CDKAL1: variants seen among roughly 807,000 people sequenced by gnomAD.
CDKAL1 encodes CDKAL1 threonylcarbamoyladenosine tRNA methylthiotransferase, also known as threonylcarbamoyladenosine tRNA methylthiotransferase.
Under a neutral mutation model 68.2 loss-of-function variants are expected in CDKAL1, and 32 were observed. That is an observed-to-expected ratio of 0.47 (90% CI 0.35 to 0.63). CDKAL1 has a LOEUF of 0.63. Among genes scored for constraint, CDKAL1 ranks in the 30% least tolerant of loss-of-function variants. The pLI, the probability that CDKAL1 is intolerant of heterozygous loss-of-function variation, is 0.00. For synonymous variants in CDKAL1, 234 were observed against 244.3 expected, an observed-to-expected ratio of 0.96 and a Z score of 0.39; for missense variants, 606 against 696.7, an observed-to-expected ratio of 0.87 and a Z score of 1.47.
chr6:20,985,365 C>T (rs1307222174), intron 10 of CDKAL1, among the ~76,000 whole-genome samples: 1 of 152,184 alleles, frequency 6.6e-6, no homozygotes, highest in Non-Finnish European at 1.5e-5. Context: ...GCGATCTCGG[C>T]TCACTGCAAC....
intron 8 of CDKAL1, among the ~76,000 whole-genome samples, chr6:20,798,558 A>G (rs973704148): frequency 6.6e-6 from 1 of 152,164 alleles, no homozygotes; most frequent in African/African-American, 2.4e-5. Context: ...TGTGGCACAT[A>G]TACACCATGG....
intron 11 of CDKAL1, among the ~76,000 whole-genome samples, chr6:21,002,100 T>A (rs1767456932): frequency 6.6e-6 from 1 of 152,220 alleles, no homozygotes; most frequent in Non-Finnish European, 1.5e-5. Context: ...TCTGGAGGTC[T>A]GTTAAATCTG....
intron 4 of CDKAL1, among the ~76,000 whole-genome samples, chr6:20,624,309 A>G (rs1477006316): frequency 1.3e-5 from 2 of 152,044 alleles, no homozygotes. Context: ...AGCCACCACC[A>G]TACTGTTCAT....
At chr6:21,159,714 A>T (rs1256800977) in intron 13 of CDKAL1, among the ~76,000 whole-genome samples, 1 of 152,188 alleles carries the variant, frequency 6.6e-6, no homozygotes, top group African/African-American at 2.4e-5. Flanking sequence ...CAGATAATCC[A>T]CTCTGAACAG....
chr6:21,223,644 G>C (rs936098484), intron 15 of CDKAL1, among the ~76,000 whole-genome samples: 20 of 152,268 alleles, frequency 1.3e-4, no homozygotes, highest in Middle Eastern at 6.8e-3. Flanking sequence ...GAGAATACTT[G>C]TAACTAGGTG....
Position 20,961,790 on chromosome 6 carries a change from C to CA in CDKAL1, c.909+6215dup, listed in dbSNP as rs778085781. On this transcript the variant is annotated intron_variant, in intron 10 of 15. Coordinates refer to ENST00000274695, the MANE Select transcript of CDKAL1 (RefSeq NM_017774.3). The stretch of plus-strand genomic sequence containing the variant: ...TCAAAAAAAAAAAAGAAAAGAAAAA[C>CA]AAAAAAAAAACATCAAGTACTACGC... Among the ~76,000 whole-genome samples, 122 of 119,294 alleles carry CA rather than the reference C, an allele frequency of 1.0e-3. 1 individual carries two copies. The Middle Eastern group carries it at 0.021, about 20-fold the overall frequency. 78.3% of individuals were successfully genotyped at this position (119,294 alleles called of 152,430 possible).
At chr6:20,553,783 G>C (rs184675507) in intron 4 of CDKAL1, among the ~76,000 whole-genome samples, 14 of 152,242 alleles carry the variant, frequency 9.2e-5, no homozygotes, top group Admixed American at 2.6e-4. Context: ...ACTGATTCTT[G>C]TATTTTTAGT....
chr6:20,657,106 G>GT (rs1392990237), intron 5 of CDKAL1, among the ~76,000 whole-genome samples: 1 of 152,086 alleles, frequency 6.6e-6, no homozygotes, highest in African/African-American at 2.4e-5. Flanking sequence ...GCTTTATTCA[G>GT]ATATTTTTCC....
intron 8 of CDKAL1, among the ~76,000 whole-genome samples, chr6:20,838,781 T>A (rs1045419334): frequency 1.3e-5 from 2 of 152,116 alleles, no homozygotes; most frequent in African/African-American, 2.4e-5. Context: ...GAGACCATCC[T>A]GGCTAACACG....
At chr6:20,854,306 T>C (rs936253419) in intron 9 of CDKAL1, among the ~76,000 whole-genome samples, 5 of 152,248 alleles carry the variant, frequency 3.3e-5, no homozygotes, top group African/African-American at 9.6e-5. Flanking sequence ...ATCTACTTGC[T>C]GTTCTGAATC....
At chr6:21,063,464 G>A (rs141315605) in intron 11 of CDKAL1, among the ~76,000 whole-genome samples, 7 of 152,276 alleles carry the variant, frequency 4.6e-5, no homozygotes, top group Non-Finnish European at 8.8e-5. Flanking sequence ...CTACCTTATC[G>A]CTGAATGATA....
chr6:21,000,302 G>C lies in CDKAL1; in HGVS notation c.985G>C (p.Val329Leu), dbSNP rs145084016. Residue 329 changes from valine (V) to leucine (L), a missense_variant, in exon 11 of 16, where the codon GTA becomes CTA. Val to Leu is a conservative substitution (Grantham distance 32, BLOSUM62 1). Transcript: ENST00000274695. ...HIPVQSASDS[V>L]LMEMKREYCV... The stretch of plus-strand genomic sequence containing the variant: ...ACCAGTCCAGTCTGCCTCCGACAGC[G>C]TACTCATGGAAATGAAAAGAGAATA... 2.5e-6 allele frequency: 4 copies of C among 1,613,522 alleles called. No individual in the cohort carries two copies. The African/African-American group carries it at 4.0e-5, about 16-fold the overall frequency.
intron 7 of CDKAL1, 122 bp from the exon 8 acceptor site, chr6:20,781,023 A>G: frequency 1.1e-6 from 1 of 941,122 alleles, no homozygotes; most frequent in Non-Finnish European, 1.6e-6. Flanking sequence ...ATCACACTTC[A>G]CTCTTCTATG....
intron 9 of CDKAL1, among the ~76,000 whole-genome samples, chr6:20,896,679 T>C (rs1180971092): frequency 6.6e-6 from 1 of 152,146 alleles, no homozygotes; most frequent in Non-Finnish European, 1.5e-5. Flanking sequence ...ATTAATGTGG[T>C]TCATTCACTT....
intron 6 of CDKAL1, among the ~76,000 whole-genome samples, chr6:20,754,599 T>C (rs1363003037): frequency 6.6e-6 from 1 of 152,244 alleles, no homozygotes; most frequent in Non-Finnish European, 1.5e-5. Flanking sequence ...TATATTTTCC[T>C]TGGAAAAGTG....
chr6:20,821,825 A>G (rs182501792), intron 8 of CDKAL1, among the ~76,000 whole-genome samples: 19 of 152,322 alleles, frequency 1.2e-4, no homozygotes, highest in Non-Finnish European at 2.2e-4. Context: ...TTGGTACCTG[A>G]CATAAAATAC....
At chr6:21,202,532 C>G (rs1778733875) in intron 15 of CDKAL1, among the ~76,000 whole-genome samples, 1 of 152,006 alleles carries the variant, frequency 6.6e-6, no homozygotes. Flanking sequence ...TTTAAGAAGT[C>G]AGCTTATTTT....
intron 10 of CDKAL1, among the ~76,000 whole-genome samples, chr6:20,985,273 T>G (rs1766393219): frequency 6.6e-6 from 1 of 152,092 alleles, no homozygotes; most frequent in Non-Finnish European, 1.5e-5. Flanking sequence ...TGTAATTACG[T>G]TCCATGGTTT....
intron 4 of CDKAL1, among the ~76,000 whole-genome samples, chr6:20,555,136 G>T (rs955868657): frequency 1.3e-5 from 2 of 152,186 alleles, no homozygotes; most frequent in African/African-American, 2.4e-5. Flanking sequence ...GAGGTGTAAA[G>T]ATATGAAATT....
Sources: gnomAD v4.1 joint callset for allele counts (sites outside exome capture counted in the v4.1 genomes callset) on GRCh38, gnomAD v4.1.1 for gene constraint, MANE v1.5 for transcripts, NCBI Gene and HGNC (gene_info 2026-07-23, HGNC 2026-07-21) for gene names.